The following CDC26 variants were observed in gnomAD, a reference collection of about 807,000 sequenced individuals.
CDC26 encodes the protein cell division cycle 26.
CDC26 carries 2 observed loss-of-function variants against 8.0 expected under a neutral mutation model. The observed-to-expected ratio is 0.25, with a 90% confidence interval of 0.10 to 0.79. CDC26 has a LOEUF of 0.79. Among genes scored for constraint, CDC26 ranks in the 30% least tolerant of loss-of-function variants. CDC26 has a pLI of 0.70. For missense variants in CDC26, 68 were observed against 106.0 expected, an observed-to-expected ratio of 0.64 and a Z score of 1.57; for synonymous variants, 19 against 34.9, an observed-to-expected ratio of 0.55 and a Z score of 1.60.
At position 113,272,691 on chromosome 9, in the gene CDC26, C is replaced by CTT. The variant is rs367685408; in HGVS notation, c.-41-145_-41-144dup. 3.8e-3 allele frequency: 1,365 copies of CTT among 355,152 alleles called. 19 individuals carry two copies. The highest frequency in any genetic ancestry group is 0.027 in the African/African-American group (1,142 of 42,448). The allele number at this position is 355,152 out of a possible 1,614,324, so 22.0% of individuals were successfully genotyped here. On this transcript the variant is annotated intron_variant, in intron 2 of 3. Transcript: ENST00000374206. ...GAATTTACACATAGACTTCTAAAGTCTTTTTTTTTTTTTTTTTAAGAGATA... is the reference window on the plus strand; with the variant it reads ...GAATTTACACATAGACTTCTAAAGTCTTTTTTTTTTTTTTTTTTTAAGAGATA...
At chr9:113,274,978 AC>A (rs1373327616) in intron 1 of CDC26, among the ~76,000 whole-genome samples, 1 of 152,138 alleles carries the variant, frequency 6.6e-6, no homozygotes, top group Non-Finnish European at 1.5e-5. Context: ...GTACAGAGTT[AC>A]CTGACACCTT....
intron 3 of CDC26, among the ~76,000 whole-genome samples, chr9:113,268,792 G>C (rs574866613): frequency 6.6e-6 from 1 of 151,868 alleles, no homozygotes; most frequent in Non-Finnish European, 1.5e-5. Context: ...GTCTCTGTCT[G>C]TTGCCAGGCT....
At chr9:113,271,869 T>G (rs181815369) in intron 3 of CDC26, among the ~76,000 whole-genome samples, 2 of 152,166 alleles carry the variant, frequency 1.3e-5, no homozygotes, top group Non-Finnish European at 2.9e-5. Flanking sequence ...ACAGAGAGTC[T>G]CACTGTTGCC....
intron 2 of CDC26, 129 bp from the exon 3 acceptor site, chr9:113,272,677 T>A: frequency 3.8e-6 from 2 of 522,370 alleles, no homozygotes; most frequent in Non-Finnish European, 3.4e-6. Context: ...AATTTACACA[T>A]AGACTTCTAA....
At chr9:113,273,714 T>C (rs905229288) in intron 1 of CDC26, among the ~76,000 whole-genome samples, 2 of 151,038 alleles carry the variant, frequency 1.3e-5, no homozygotes, top group Non-Finnish European at 2.9e-5. Context: ...GCTGGTAGTG[T>C]GTACCTGTAG....
At chr9:113,269,405 A>C (rs1419369014) in intron 3 of CDC26, among the ~76,000 whole-genome samples, 1 of 152,214 alleles carries the variant, frequency 6.6e-6, no homozygotes, top group Admixed American at 6.5e-5. Context: ...TATCATTCTG[A>C]GAATATCCAA....
In CDC26 at chr9:113,272,562, AAG is replaced by A; in HGVS notation, c.-41-16_-41-15del. ...GTGAACTATTAGCTGTTAAAAATGA[AAG>A]AGAGGAGGAAAATCTGAAGGTGATA... is the stretch of plus-strand genomic sequence containing the variant. On this transcript the variant is annotated splice_polypyrimidine_tract_variant and intron_variant, in intron 2 of 3. Transcript: ENST00000374206. The A allele has an allele frequency of 1.5e-6, 2 of 1,318,634 alleles. No homozygotes were observed. The highest frequency in any genetic ancestry group is 4.6e-5 in the East Asian group (2 of 43,548). 81.7% of individuals were successfully genotyped at this position (1,318,634 alleles called of 1,614,324 possible).
intron 3 of CDC26, among the ~76,000 whole-genome samples, chr9:113,269,032 G>A (rs371862149): frequency 4.0e-5 from 6 of 151,040 alleles, no homozygotes; most frequent in African/African-American, 1.2e-4. Context: ...GGGTTTACAG[G>A]CATGAGCCAC....
chr9:113,272,627 A>G (rs1831977531), intron 2 of CDC26, 79 bp from the exon 3 acceptor site: 1 of 705,102 alleles, frequency 1.4e-6, no homozygotes, highest in Non-Finnish European at 2.5e-6. Flanking sequence ...ATTTGCAAGC[A>G]TGTATACTAA....
chr9:113,272,302 C>G (rs1342512667), intron 3 of CDC26, 125 bp downstream of exon 3: 2 of 712,850 alleles, frequency 2.8e-6, no homozygotes, highest in Admixed American at 4.4e-5. Flanking sequence ...ACCTGTGGTC[C>G]CAGCACGCGG....
chr9:113,274,623 T>G (rs981140165), intron 1 of CDC26, among the ~76,000 whole-genome samples: 3 of 152,178 alleles, frequency 2.0e-5, no homozygotes, highest in Non-Finnish European at 4.4e-5. Context: ...TTAAAAGTGC[T>G]GGCTGTAGAG....
In CDC26 at chr9:113,267,001, C is replaced by A. The variant is rs1317598026; in HGVS notation, c.*262G>T. On this transcript the variant is annotated 3_prime_UTR_variant, in exon 4 of 4. Coordinates refer to ENST00000374206, the MANE Select transcript of CDC26 (RefSeq NM_139286.4). The stretch of plus-strand genomic sequence containing the variant: ...GTACTGTTATACTTCATTAAGGATG[C>A]CTCACATTTTTCCAAAAATATATTT... 9.7e-6 allele frequency: 4 copies of A among 412,654 alleles called. No individual in the cohort carries two copies. The highest frequency in any genetic ancestry group is 1.7e-5 in the Non-Finnish European group (4 of 233,636). 25.6% of individuals were successfully genotyped at this position (412,654 alleles called of 1,614,324 possible).
At chr9:113,271,306 C>G (rs1166892002) in intron 3 of CDC26, among the ~76,000 whole-genome samples, 1 of 152,016 alleles carries the variant, frequency 6.6e-6, no homozygotes, top group African/African-American at 2.4e-5. Context: ...GCTAGCAGGT[C>G]CTAATCCTGG....
At chr9:113,273,050 C>A (rs962155270) in intron 2 of CDC26, among the ~76,000 whole-genome samples, 6 of 152,084 alleles carry the variant, frequency 3.9e-5, no homozygotes, top group Non-Finnish European at 7.4e-5. Flanking sequence ...TGGAGATCTA[C>A]AGCTCTATAA....
intron 1 of CDC26, among the ~76,000 whole-genome samples, chr9:113,275,139 C>T (rs772766581): frequency 6.6e-5 from 10 of 152,196 alleles, no homozygotes; most frequent in Admixed American, 1.3e-4. Context: ...CCCAAATCCA[C>T]CGCCGAGCCA....
chr9:113,274,937 A>C (rs997664399), intron 1 of CDC26, among the ~76,000 whole-genome samples: 1 of 152,140 alleles, frequency 6.6e-6, no homozygotes, highest in Non-Finnish European at 1.5e-5. Flanking sequence ...GTTCGTCTCT[A>C]ATGCCCCAGC....
intron 3 of CDC26, 94 bp from the exon 4 acceptor site, chr9:113,267,533 T>A: frequency 7.0e-7 from 1 of 1,435,312 alleles, no homozygotes; most frequent in Non-Finnish European, 9.5e-7. Flanking sequence ...ATGGGCTAAA[T>A]GATAGAGTTA....
intron 3 of CDC26, among the ~76,000 whole-genome samples, chr9:113,272,099 T>C (rs1831966482): frequency 6.6e-6 from 1 of 152,182 alleles, no homozygotes; most frequent in South Asian, 2.1e-4. Flanking sequence ...AGAATTATTA[T>C]CTTAAATATT....
At chr9:113,272,310 C>T (rs574384410) in intron 3 of CDC26, 117 bp downstream of exon 3, 56 of 751,886 alleles carry the variant, frequency 7.4e-5, no homozygotes, top group South Asian at 4.3e-4. Context: ...TCCCAGCACG[C>T]GGGAGGCTGA....
Sources: allele counts gnomAD v4.1 joint callset (sites outside exome capture counted in the v4.1 genomes callset), GRCh38; gene constraint gnomAD v4.1.1; transcripts MANE v1.5; gene names NCBI Gene and HGNC (gene_info 2026-07-23, HGNC 2026-07-21).